The following ETV1 variants were observed in gnomAD, a reference collection of about 807,000 sequenced individuals.
ETV1 encodes ETS variant transcription factor 1.
In ETV1, 27 loss-of-function variants were observed where a neutral mutation model predicts 62.3. That is an observed-to-expected ratio of 0.43 (90% confidence interval 0.32 to 0.60). ETV1 has a LOEUF of 0.60. Ranked by LOEUF, ETV1 falls within the 20% of genes least tolerant of loss-of-function variation. The probability of loss-of-function intolerance (pLI) is 0.06; values close to 1 mark genes in which losing one functional copy is unlikely to be tolerated. For synonymous variants in ETV1, 222 were observed against 199.6 expected, an observed-to-expected ratio of 1.11 and a Z score of -0.94; for missense variants, 605 against 605.8, an observed-to-expected ratio of 1.00 and a Z score of 0.01.
In ETV1 at chr7:13,894,170, G is replaced by A. The variant is rs1252339207; in HGVS notation, c.*1696C>T. On this transcript the variant is annotated 3_prime_UTR_variant, in exon 14 of 14. Coordinates refer to ENST00000430479, the MANE Select transcript of ETV1 (RefSeq NM_004956.5). Reference sequence around the variant, plus strand: ...GTGTTTAGAATTTTTTTTTTTTTTTGCTTTTTGCTATAGACTCTTTAAAAA... The same window carrying A: ...GTGTTTAGAATTTTTTTTTTTTTTTACTTTTTGCTATAGACTCTTTAAAAA... 5.7e-6 allele frequency: 1 copy of A among 176,482 alleles called. No homozygotes were observed. The highest frequency in any genetic ancestry group is 1.1e-5 in the Non-Finnish European group (1 of 94,186). 10.9% of individuals were successfully genotyped at this position (176,482 alleles called of 1,614,324 possible). A position where few individuals can be genotyped will look rare whatever the true frequency, so the allele number is the denominator to read the frequency against.
intron 6 of ETV1, among the ~76,000 whole-genome samples, chr7:13,970,098 T>TA (rs1780721610): frequency 6.9e-6 from 1 of 144,846 alleles, no homozygotes; most frequent in African/African-American, 2.6e-5. Context: ...CTACTAAAAA[T>TA]ACAAAAAAAA....
chr7:13,973,871 TATC>T (rs1472152810), intron 6 of ETV1, among the ~76,000 whole-genome samples: 1 of 152,206 alleles, frequency 6.6e-6, no homozygotes, highest in East Asian at 1.9e-4. Flanking sequence ...TTTTAAGGCA[TATC>T]ATGTTTCTAC....
In ETV1 at chr7:13,895,233, CAG is replaced by C. The variant is rs1304351962; in HGVS notation, c.*631_*632del. 4.7e-5 allele frequency: 11 copies of C among 233,636 alleles called. No individual in the cohort carries two copies. The East Asian group carries it at 6.0e-4, about 13-fold the overall frequency. The allele number at this position is 233,636 out of a possible 1,614,324, so 14.5% of individuals were successfully genotyped here. A position where few individuals can be genotyped will look rare whatever the true frequency, so the allele number is the denominator to read the frequency against. On this transcript the variant is annotated 3_prime_UTR_variant, in exon 14 of 14. Transcript: ENST00000430479. ...TACAGTCATGGTGATTATTCAACTTCAGAGAGAATTACCCATTTTATGGTTAT... is the reference window on the plus strand; with the variant it reads ...TACAGTCATGGTGATTATTCAACTTCAGAGAATTACCCATTTTATGGTTAT...
rs73274819 is a variant in ETV1, at chr7:13,917,004, G to A, written c.803-5697C>T. ...AGAATAAGTAAATAATGCAGTTATCGCAGTTATCTGAATTTACGTGCTTTT... is the reference window on the plus strand; with the variant it reads ...AGAATAAGTAAATAATGCAGTTATCACAGTTATCTGAATTTACGTGCTTTT... On this transcript the variant is annotated intron_variant, in intron 9 of 13. Coordinates refer to ENST00000430479, the MANE Select transcript of ETV1 (RefSeq NM_004956.5). Among the ~76,000 whole-genome samples, 883 of 151,726 alleles carry A rather than the reference G, an allele frequency of 5.8e-3. 11 individuals carry two copies. The highest frequency in any genetic ancestry group is 0.02 in the African/African-American group (828 of 41,436).
chr7:13,927,779 C>T (rs1371106515), intron 9 of ETV1, among the ~76,000 whole-genome samples: 1 of 152,088 alleles, frequency 6.6e-6, no homozygotes, highest in Non-Finnish European at 1.5e-5. Context: ...TTCATAGGCC[C>T]TGGTTATGGG....
chr7:13,979,801 C>A (rs1189406519), intron 5 of ETV1, among the ~76,000 whole-genome samples: 1 of 152,014 alleles, frequency 6.6e-6, no homozygotes, highest in Non-Finnish European at 1.5e-5. Flanking sequence ...ATACTTGTAA[C>A]TGAATATGAT....
intron 7 of ETV1, 29 bp from the exon 8 acceptor site, chr7:13,935,925 A>C: frequency 1.3e-6 from 2 of 1,513,986 alleles, no homozygotes; most frequent in South Asian, 1.2e-5. Context: ...AAGAGAGAAC[A>C]TTTCTTTCTT....
chr7:13,963,095 T>C (rs748773128), intron 6 of ETV1, among the ~76,000 whole-genome samples: 1 of 152,138 alleles, frequency 6.6e-6, no homozygotes, highest in Non-Finnish European at 1.5e-5. Flanking sequence ...TGTATGAGCT[T>C]TGTCTACTCT....
chr7:13,939,291 G>T (rs775495109), intron 6 of ETV1, 45 bp from the exon 7 acceptor site: 32 of 1,539,238 alleles, frequency 2.1e-5, no homozygotes, highest in Non-Finnish European at 2.6e-5. Flanking sequence ...AATGCTGTAG[G>T]AATTATGGAG....
At chr7:13,901,623 C>G (rs1469924296) in intron 12 of ETV1, among the ~76,000 whole-genome samples, 1 of 152,080 alleles carries the variant, frequency 6.6e-6, no homozygotes, top group Non-Finnish European at 1.5e-5. Context: ...AAAGAGTGAA[C>G]AAGTGACAAT....
At chr7:13,965,022 C>CCTA (rs1018679742) in intron 6 of ETV1, among the ~76,000 whole-genome samples, 4 of 151,974 alleles carry the variant, frequency 2.6e-5, no homozygotes, top group Non-Finnish European at 4.4e-5. Context: ...TAGTAATACT[C>CCTA]CTACTACTAC....
At chr7:13,949,917 A>C (rs1229300247) in intron 6 of ETV1, among the ~76,000 whole-genome samples, 3 of 152,170 alleles carry the variant, frequency 2.0e-5, no homozygotes, top group Non-Finnish European at 4.4e-5. Flanking sequence ...TTCTTTAAGG[A>C]GAGCAGCCAT....
intron 6 of ETV1, among the ~76,000 whole-genome samples, chr7:13,961,878 T>C (rs1384936685): frequency 6.6e-6 from 1 of 152,144 alleles, no homozygotes; most frequent in East Asian, 1.9e-4. Flanking sequence ...AGATATACAC[T>C]GAACTACTTA....
chr7:13,964,722 CTGGAATAAGAT>C (rs540096459), intron 6 of ETV1, among the ~76,000 whole-genome samples: 1,600 of 151,978 alleles, frequency 0.011, 38 homozygotes, highest in African/African-American at 0.037. Flanking sequence ...ATTCCAGTAT[CTGGAATAAGAT>C]ACTGGAATAA....
rs144665698 is a variant in ETV1 at position 13,964,316 on chromosome 7, C to T, written c.235+13111G>A. On this transcript the variant is annotated intron_variant, in intron 6 of 13. Coordinates refer to ENST00000430479, the MANE Select transcript of ETV1 (RefSeq NM_004956.5). ...GGGATGAGCCATTTTTAACCATGTT[C>T]GGTGGCCTTGATAGTATTTGACAAC... 1.9e-4 allele frequency among the ~76,000 whole-genome samples: 29 copies of T among 152,210 alleles called. No individual in the cohort carries two copies. The East Asian group carries it at 2.3e-3, about 12-fold the overall frequency.
At chr7:13,896,494 T>A (rs11772310) in intron 13 of ETV1, among the ~76,000 whole-genome samples, 157 of 152,010 alleles carry the variant, frequency 1.0e-3, no homozygotes, top group African/African-American at 3.7e-3. Flanking sequence ...TAAGGTACAC[T>A]GTCCCTCTTA....
chr7:13,956,777 C>T (rs916002275), intron 6 of ETV1, among the ~76,000 whole-genome samples: 3 of 152,130 alleles, frequency 2.0e-5, no homozygotes, highest in Non-Finnish European at 4.4e-5. Context: ...TTATGTTATA[C>T]ATAATATACA....
intron 6 of ETV1, among the ~76,000 whole-genome samples, chr7:13,951,015 C>T (rs1021898476): frequency 2.0e-5 from 3 of 151,758 alleles, no homozygotes; most frequent in Non-Finnish European, 4.4e-5. Context: ...CTCTCAGCTG[C>T]CCCTTTGGCC....
At position 13,893,212 on chromosome 7, in the gene ETV1, A is replaced by C. The variant is rs142466563; in HGVS notation, c.*2654T>G. 328 of 232,546 alleles carry C rather than the reference A, an allele frequency of 1.4e-3. No individual in the cohort carries two copies. The highest frequency in any genetic ancestry group is 6.7e-3 in the African/African-American group (304 of 45,432). The allele number at this position is 232,546 out of a possible 1,614,324, so 14.4% of individuals were successfully genotyped here. A position where few individuals can be genotyped will look rare whatever the true frequency, so the allele number is the denominator to read the frequency against. On this transcript the variant is annotated 3_prime_UTR_variant, in exon 14 of 14. Coordinates refer to ENST00000430479, the MANE Select transcript of ETV1 (RefSeq NM_004956.5). ...GCTGAGAGAAGACATTACATCATTA[A>C]CAAATGATTTCTATGTTTGAGTAGC...
Sources: gnomAD v4.1 joint callset for allele counts (sites outside exome capture counted in the v4.1 genomes callset) on GRCh38, gnomAD v4.1.1 for gene constraint, MANE v1.5 for transcripts, NCBI Gene and HGNC (gene_info 2026-07-23, HGNC 2026-07-21) for gene names.